Variants in DOLPP1 observed in about 807,000 individuals in gnomAD.
DOLPP1 encodes the protein dolichyl pyrophosphate phosphatase 1.
A neutral mutation model predicts 34.1 loss-of-function variants in DOLPP1; 15 were observed. That is an observed-to-expected ratio of 0.44 (90% CI 0.29 to 0.68). The LOEUF (loss-of-function observed/expected upper bound fraction) is 0.68. DOLPP1 is among the 30% of genes least tolerant of loss of function. The pLI, the probability that DOLPP1 is intolerant of heterozygous loss-of-function variation, is 0.12. For synonymous variants in DOLPP1, 130 were observed against 128.2 expected (o/e 1.01, Z -0.10); for missense variants, 249 against 307.1 (o/e 0.81, Z 1.41).
chr9:129,085,078 A>C lies in DOLPP1; in HGVS notation c.233A>C (p.Asn78Thr), dbSNP rs1245915293. The change falls in exon 3 of 8, where the codon AAC becomes ACC. Residue 78 changes from asparagine (N) to threonine (T), a missense_variant. Asn to Thr is a moderately conservative substitution (Grantham distance 65). Transcript: ENST00000372546. The surrounding 1 kb of genome is among the most constrained non-coding windows in gnomAD (Gnocchi z 7.0). Reference sequence around the variant, plus strand: ...GAGGGGGTCAACTGGCTGATCAAAAACGTCATCCAGGAGCCACGGCCCTGT... The same window carrying C: ...GAGGGGGTCAACTGGCTGATCAAAACCGTCATCCAGGAGCCACGGCCCTGT... ...LNEGVNWLIK[N>T]VIQEPRPCGG... 6 of 1,591,754 alleles carry C rather than the reference A, an allele frequency of 3.8e-6. No homozygotes were observed. The highest frequency in any genetic ancestry group is 3.5e-5 in the Admixed American group (2 of 57,596).
intron 1 of DOLPP1, among the ~76,000 whole-genome samples, chr9:129,082,996 C>T (rs1846918746): frequency 6.6e-6 from 1 of 152,232 alleles, no homozygotes; most frequent in South Asian, 2.1e-4. Context: ...TTGTTGAGTT[C>T]ACCCAGAGAG....
chr9:129,082,951 C>CT (rs899168440), intron 1 of DOLPP1, among the ~76,000 whole-genome samples: 32 of 151,762 alleles, frequency 2.1e-4, no homozygotes, highest in East Asian at 5.8e-4. Context: ...ACATATGTGT[C>CT]TTTTTTTTTG....
intron 7 of DOLPP1, among the ~76,000 whole-genome samples, chr9:129,087,552 G>A (rs1434802705): frequency 6.6e-6 from 1 of 152,046 alleles, no homozygotes; most frequent in Admixed American, 6.6e-5. Flanking sequence ...TCCTGACTTT[G>A]TGATCCACCC....
intron 1 of DOLPP1, among the ~76,000 whole-genome samples, chr9:129,082,721 C>T (rs1846912651): frequency 6.6e-6 from 1 of 152,196 alleles, no homozygotes; most frequent in Non-Finnish European, 1.5e-5. Context: ...ACTTCTCCGT[C>T]ACACCCCTCT....
At chr9:129,084,816 C>G in intron 2 of DOLPP1, 48 bp downstream of exon 2, 1 of 1,443,124 alleles carries the variant, frequency 6.9e-7, no homozygotes, top group Admixed American at 1.7e-5. Flanking sequence ...CCAGTGCCCC[C>G]ACCCTGCTTT....
chr9:129,084,739 C>T lies in DOLPP1; in HGVS notation c.148C>T (p.Leu50Phe), dbSNP rs1282439877. ...ATTTGTCATCGTCGGTTTCGTGACC[C>T]TCATCATATTTAAGCGGGAGCTGCA... ...PVFVIVGFVT[L>F]IIFKRELHTI... The change falls in exon 2 of 8, where the codon CTC (leucine) becomes TTC (phenylalanine). Residue 50 changes from leucine (L) to phenylalanine (F), a missense_variant. By Grantham distance (22) the Leu-to-Phe change is conservative. Coordinates refer to ENST00000372546, the MANE Select transcript of DOLPP1 (RefSeq NM_020438.5). 1 of 1,613,762 alleles carries T rather than the reference C, an allele frequency of 6.2e-7. No individual in the cohort carries two copies. The highest frequency in any genetic ancestry group is 1.7e-5 in the Admixed American group (1 of 60,008).
intron 1 of DOLPP1, 85 bp from the exon 2 acceptor site, chr9:129,084,583 C>G: frequency 9.8e-7 from 1 of 1,022,832 alleles, no homozygotes; most frequent in Non-Finnish European, 1.6e-6. Flanking sequence ...GACCTCCTTT[C>G]TGGATCAGGC....
chr9:129,089,264 C>T lies in DOLPP1; in HGVS notation c.*257C>T. On this transcript the variant is annotated 3_prime_UTR_variant, in exon 8 of 8. Coordinates refer to ENST00000372546, the MANE Select transcript of DOLPP1 (RefSeq NM_020438.5). This position sits in a 1 kb window ranked among gnomAD's most constrained non-coding sequence, Gnocchi z 4.9. Reference sequence around the variant, plus strand: ...TCGCTGTGCTGCTGCCAGCCCCTGGCTGGGCAGAAAGTGCCCTCGGCATGG... The same window carrying T: ...TCGCTGTGCTGCTGCCAGCCCCTGGTTGGGCAGAAAGTGCCCTCGGCATGG... The T allele has an allele frequency of 4.8e-6, 2 of 418,912 alleles. No individual in the cohort carries two copies. The highest frequency in any genetic ancestry group is 8.8e-6 in the Non-Finnish European group (2 of 228,418). The allele number at this position is 418,912 out of a possible 1,614,324, so 25.9% of individuals were successfully genotyped here.
At position 129,085,514 on chromosome 9, in the gene DOLPP1, G is replaced by C; in HGVS notation, c.363-4G>C. 6.2e-7 allele frequency: 1 copy of C among 1,613,184 alleles called. No individual in the cohort carries two copies. The highest frequency in any genetic ancestry group is 8.5e-7 in the Non-Finnish European group (1 of 1,179,630). ...GAGGTCATCTGGTGGGCCTGTTTTC[G>C]CAGAATGCACCAAACAAACAACGCC... is the stretch of plus-strand genomic sequence containing the variant. On this transcript the variant is annotated splice_polypyrimidine_tract_variant and splice_region_variant and intron_variant, in intron 4 of 7. Transcript: ENST00000372546. The surrounding 1 kb of genome is among the most constrained non-coding windows in gnomAD (Gnocchi z 7.0).
chr9:129,085,712 G>A lies in DOLPP1; in HGVS notation c.461+96G>A. ...GACCCCACCATGGACCCTAGTCCCA[G>A]AACCTGTAGTGCAGGACTGGAAAAG... On this transcript the variant is annotated intron_variant, in intron 5 of 7. Transcript: ENST00000372546. The surrounding 1 kb of genome is among the most constrained non-coding windows in gnomAD (Gnocchi z 7.0). 1 of 976,754 alleles carries A rather than the reference G, an allele frequency of 1.0e-6. No homozygotes were observed. Among genetic ancestry groups the A allele is most frequent in the Non-Finnish European group, 1.5e-6 (1 of 658,604 alleles). The allele number at this position is 976,754 out of a possible 1,614,324, so 60.5% of individuals were successfully genotyped here. A position where few individuals can be genotyped will look rare whatever the true frequency, so the allele number is the denominator to read the frequency against.
chr9:129,085,092 C>G lies in DOLPP1; in HGVS notation c.247C>G (p.Pro83Ala). ...GCTGATCAAAAACGTCATCCAGGAG[C>G]CACGGCCCTGTGGAGGTAGGGCCTC... Reference protein sequence around the residue: ...NWLIKNVIQEPRPCGGPHTAV... With the variant: ...NWLIKNVIQEARPCGGPHTAV... The change falls in exon 3 of 8, where the codon CCA becomes GCA. Residue 83 changes from proline to alanine, a missense_variant. Pro to Ala is a conservative substitution (Grantham distance 27). Coordinates refer to ENST00000372546, the MANE Select transcript of DOLPP1 (RefSeq NM_020438.5). This position sits in a 1 kb window ranked among gnomAD's most constrained non-coding sequence, Gnocchi z 7.0. The G allele has an allele frequency of 6.3e-7, 1 of 1,595,548 alleles. No individual in the cohort carries two copies. The highest frequency in any genetic ancestry group is 8.5e-7 in the Non-Finnish European group (1 of 1,170,502).
intron 1 of DOLPP1, 69 bp from the exon 2 acceptor site, chr9:129,084,599 T>G: frequency 8.6e-7 from 1 of 1,158,902 alleles, no homozygotes; most frequent in Middle Eastern, 1.9e-4. Flanking sequence ...CAGGCCTTAC[T>G]TGTAGGGGGC....
At chr9:129,086,855 A>G (rs1847000223) in intron 7 of DOLPP1, 57 bp downstream of exon 7, 4 of 1,493,816 alleles carry the variant, frequency 2.7e-6, no homozygotes, top group Non-Finnish European at 2.8e-6. Context: ...CTCTGCCTCC[A>G]TGTTTGGAGG....
At chr9:129,087,494 T>A (rs1234771584) in intron 7 of DOLPP1, among the ~76,000 whole-genome samples, 2 of 152,108 alleles carry the variant, frequency 1.3e-5, no homozygotes, top group Non-Finnish European at 2.9e-5. Flanking sequence ...TTTTTGTATT[T>A]TTTAGTAGAG....
chr9:129,086,023 C>T, intron 5 of DOLPP1, 116 bp from the exon 6 acceptor site: 2 of 1,020,928 alleles, frequency 2.0e-6, no homozygotes, highest in Non-Finnish European at 2.9e-6. Context: ...AGTGTCCTGT[C>T]TGTGTCTCCA....
intron 7 of DOLPP1, among the ~76,000 whole-genome samples, chr9:129,087,268 TC>T (rs1174410489): frequency 3.9e-5 from 6 of 151,920 alleles, no homozygotes; most frequent in South Asian, 2.1e-4. Context: ...TCACCCCAAA[TC>T]CTGGGTGAGG....
rs924403979 is a variant in DOLPP1 at position 129,088,785 on chromosome 9, G to A, written c.681-186G>A. ...AGATAACTGAGGTACAGGCCTCGCC[G>A]GGGAGATCAGCCCTGTCTAGGTGCC... On this transcript the variant is annotated intron_variant, in intron 7 of 7. Transcript: ENST00000372546. Among the ~76,000 whole-genome samples the A allele has an allele frequency of 2.6e-5, 4 of 152,170 alleles. No individual in the cohort carries two copies. In the East Asian group the frequency reaches 7.7e-4, roughly 29 times the overall value.
At chr9:129,087,482 A>AT (rs1254015190) in intron 7 of DOLPP1, among the ~76,000 whole-genome samples, 1 of 151,878 alleles carries the variant, frequency 6.6e-6, no homozygotes, top group African/African-American at 2.4e-5. Context: ...CGCCCGGCTA[A>AT]TTTTTTGTAT....
Position 129,085,352 on chromosome 9 carries a change from G to C in DOLPP1, c.362+46G>C. On this transcript the variant is annotated intron_variant, in intron 4 of 7. Transcript: ENST00000372546. This position sits in a 1 kb window ranked among gnomAD's most constrained non-coding sequence, Gnocchi z 7.0. ...GGATGGCCCTGAACTTGCTCAGGCC[G>C]AGTTCTGCTAGGGACTCACTGCTAG... 1.3e-6 allele frequency: 2 copies of C among 1,576,002 alleles called. No individual in the cohort carries two copies. Among genetic ancestry groups the C allele is most frequent in the Non-Finnish European group, 1.7e-6 (2 of 1,145,766 alleles).
Sources: allele counts gnomAD v4.1 joint callset (sites outside exome capture counted in the v4.1 genomes callset), GRCh38; gene constraint gnomAD v4.1.1; non-coding constraint Gnocchi (gnomAD v3.1); transcripts MANE v1.5; gene names NCBI Gene and HGNC (gene_info 2026-07-23, HGNC 2026-07-21).